Variants in HMCN2 observed in about 807,000 individuals in gnomAD.
The protein encoded by HMCN2 is hemicentin 2, also known as hemicentin-2.
In HMCN2, 325 loss-of-function variants were observed where a neutral mutation model predicts 377.5. That is an observed-to-expected ratio of 0.86 (90% CI 0.79 to 0.94). The LOEUF (loss-of-function observed/expected upper bound fraction) is 0.94, where lower values mean the gene tolerates loss of function less well. Among genes scored for constraint, HMCN2 ranks in the 40% least tolerant of loss-of-function variants. The pLI, the probability that HMCN2 is intolerant of heterozygous loss-of-function variation, is 0.00. For synonymous variants in HMCN2, 2,007 were observed against 2,046.8 expected (o/e 0.98, Z 0.53); for missense variants, 4,543 against 4,725.3 (o/e 0.96, Z 1.13).
chr9:130,355,310 C>T lies in HMCN2; in HGVS notation c.5146+266C>T, dbSNP rs145218411. ...CTGGGTCACCCAGGACAGAGGACCTCGTTCTGCCTTCTGCCAATGGAATGG... is the reference window on the plus strand; with the variant it reads ...CTGGGTCACCCAGGACAGAGGACCTTGTTCTGCCTTCTGCCAATGGAATGG... On this transcript the variant is annotated intron_variant, in intron 32 of 97. Coordinates refer to ENST00000683500, the MANE Select transcript of HMCN2 (RefSeq NM_001291815.2). Among the ~76,000 whole-genome samples, 858 of 152,264 alleles carry T rather than the reference C, an allele frequency of 5.6e-3. 5 individuals carry two copies. Among genetic ancestry groups the T allele is most frequent in the Non-Finnish European group, 9.8e-3 (666 of 67,992 alleles).
intron 13 of HMCN2, among the ~76,000 whole-genome samples, 180 bp from the exon 14 acceptor site, chr9:130,307,273 T>G (rs562403623): frequency 1.3e-5 from 2 of 152,096 alleles, no homozygotes; most frequent in South Asian, 2.1e-4. Flanking sequence ...AGGGTCACTA[T>G]GGGAACAGGG....
intron 4 of HMCN2, among the ~76,000 whole-genome samples, chr9:130,291,468 C>T (rs1835761901): frequency 6.6e-6 from 1 of 152,218 alleles, no homozygotes; most frequent in East Asian, 1.9e-4. Context: ...CCTCGGCCTC[C>T]CAAAGTGCTG....
intron 93 of HMCN2, chr9:130,429,352 C>T (rs1844591907): frequency 1.6e-6 from 1 of 625,248 alleles, no homozygotes; most frequent in Admixed American, 3.0e-5. Context: ...TCAGCCCCTT[C>T]CTTTCTCTGG....
At position 130,398,534 on chromosome 9, in the gene HMCN2, C is replaced by T. The variant is rs900083947; in HGVS notation, c.11327-17C>T. The T allele has an allele frequency of 2.5e-6, 3 of 1,200,258 alleles. No homozygotes were observed. The highest frequency in any genetic ancestry group is 3.2e-6 in the Non-Finnish European group (3 of 938,296). The allele number at this position is 1,200,258 out of a possible 1,614,324, so 74.4% of individuals were successfully genotyped here. A position where few individuals can be genotyped will look rare whatever the true frequency, so the allele number is the denominator to read the frequency against. The stretch of plus-strand genomic sequence containing the variant: ...GTGCCCCCTGCACCTGTCTCCTGAC[C>T]ACTGTGCTCTCCCCAGAGCCTCCAG... On this transcript the variant is annotated splice_polypyrimidine_tract_variant and intron_variant, in intron 74 of 97. Coordinates refer to ENST00000683500, the MANE Select transcript of HMCN2 (RefSeq NM_001291815.2).
At position 130,395,918 on chromosome 9, in the gene HMCN2, C is replaced by T; in HGVS notation, c.10912-6C>T. The T allele has an allele frequency of 3.1e-6, 4 of 1,286,230 alleles. No homozygotes were observed. Among genetic ancestry groups the T allele is most frequent in the Non-Finnish European group, 4.0e-6 (4 of 987,942 alleles). 79.7% of individuals were successfully genotyped at this position (1,286,230 alleles called of 1,614,324 possible). On this transcript the variant is annotated splice_region_variant and splice_polypyrimidine_tract_variant and intron_variant, in intron 71 of 97. Coordinates refer to ENST00000683500, the MANE Select transcript of HMCN2 (RefSeq NM_001291815.2). ...AGGGTCTGTCCACCCTGGCGGGGCTCTCCAGGAGGACGCCCACACACAATT... is the reference window on the plus strand; with the variant it reads ...AGGGTCTGTCCACCCTGGCGGGGCTTTCCAGGAGGACGCCCACACACAATT...
Position 130,371,160 on chromosome 9 carries a change from G to A in HMCN2, c.7237+29G>A, listed in dbSNP as rs570216448. The stretch of plus-strand genomic sequence containing the variant: ...AGATACCAGCTAAGGTTGGATCCTG[G>A]GAATCAGGTCGGGCTCTCTGCCTCT... On this transcript the variant is annotated intron_variant, in intron 46 of 97. Coordinates refer to ENST00000683500, the MANE Select transcript of HMCN2 (RefSeq NM_001291815.2). The A allele has an allele frequency of 2.3e-5, 23 of 985,310 alleles. No individual in the cohort carries two copies. The South Asian group carries it at 1.0e-3, about 44-fold the overall frequency. The allele number at this position is 985,310 out of a possible 1,614,324, so 61.0% of individuals were successfully genotyped here.
intron 36 of HMCN2, 130 bp downstream of exon 36, chr9:130,358,616 G>C: frequency 1.3e-6 from 1 of 777,236 alleles, no homozygotes; most frequent in Non-Finnish European, 1.9e-6. Flanking sequence ...CTTAACTTCA[G>C]AGGAAGTAGA....
chr9:130,295,143 T>C (rs973647195), intron 5 of HMCN2, 117 bp downstream of exon 5: 2 of 284,114 alleles, frequency 7.0e-6, no homozygotes, highest in Non-Finnish European at 1.4e-5. Flanking sequence ...GCTCCAGGAA[T>C]AGGGAAATAT....
At chr9:130,387,171 C>T (rs1258966292) in intron 61 of HMCN2, among the ~76,000 whole-genome samples, 4 of 152,188 alleles carry the variant, frequency 2.6e-5, no homozygotes, top group Admixed American at 1.3e-4. Flanking sequence ...ACATGTGGCT[C>T]CAGCTGGGGT....
rs868554604 is a variant in HMCN2 at position 130,418,831 on chromosome 9, G to A, written c.13021G>A (p.Ala4341Thr). Residue 4341 changes from alanine (A) to threonine (T), a missense_variant, in exon 86 of 98, where the codon GCC becomes ACC. This residue lies in a region of HMCN2 where 1,155 missense variants were observed against 1,157.7 expected (regional missense o/e 1.00). Coordinates refer to ENST00000683500, the MANE Select transcript of HMCN2 (RefSeq NM_001291815.2). ...GACAGTGAGATCTGGGGATGACGTG[G>A]CCCTGCGGTGCCAGGCCACTGGAGA... ...DMTVRSGDDV[A>T]LRCQATGEPT... The A allele has an allele frequency of 2.0e-6, 3 of 1,538,014 alleles. No individual in the cohort carries two copies. The highest frequency in any genetic ancestry group is 4.0e-5 in the Admixed American group (2 of 49,702).
rs1412273117 is a variant in HMCN2, at chr9:130,376,678, C to T, written c.8061+20C>T. 2.0e-6 allele frequency: 2 copies of T among 985,644 alleles called. No homozygotes were observed. The highest frequency in any genetic ancestry group is 2.4e-6 in the Non-Finnish European group (2 of 829,944). The allele number at this position is 985,644 out of a possible 1,614,324, so 61.1% of individuals were successfully genotyped here. ...GGACAGGTGAGTTTGGGACCCCCTGCGCAGCTTCTGGCTCTCACCTCTGCT... is the reference window on the plus strand; with the variant it reads ...GGACAGGTGAGTTTGGGACCCCCTGTGCAGCTTCTGGCTCTCACCTCTGCT... On this transcript the variant is annotated intron_variant, in intron 52 of 97. Transcript: ENST00000683500.
intron 83 of HMCN2, among the ~76,000 whole-genome samples, chr9:130,408,439 A>T (rs1843224058): frequency 6.6e-6 from 1 of 152,204 alleles, no homozygotes; most frequent in South Asian, 2.1e-4. Context: ...TGACACGCGT[A>T]ACACTGCCTT....
In HMCN2 at chr9:130,371,103, C is replaced by G; in HGVS notation, c.7209C>G (p.Ser2403Arg). 1.0e-6 allele frequency: 1 copy of G among 985,990 alleles called. No homozygotes were observed. The highest frequency in any genetic ancestry group is 1.7e-5 in the African/African-American group (1 of 57,374). 61.1% of individuals were successfully genotyped at this position (985,990 alleles called of 1,614,324 possible). The change falls in exon 46 of 98, where the codon AGC becomes AGG. Residue 2403 changes from serine (S) to arginine (R), a missense_variant. Around this residue, in one of 5 missense-constraint regions of HMCN2, gnomAD observed 1,032 missense variants for 1,285.1 expected, o/e 0.80. Transcript: ENST00000683500. ...GGTTCCGAGGGGAGGAGCCTGTCAGCCCCGGGGAGGACACCTACCTGCTGG... is the reference window on the plus strand; with the variant it reads ...GGTTCCGAGGGGAGGAGCCTGTCAGGCCCGGGGAGGACACCTACCTGCTGG... ...IRWFRGEEPV[S>R]PGEDTYLLAG...
At chr9:130,419,883 C>T (rs905402646) in intron 86 of HMCN2, among the ~76,000 whole-genome samples, 1 of 152,140 alleles carries the variant, frequency 6.6e-6, no homozygotes, top group African/African-American at 2.4e-5. Context: ...AACCCACTGC[C>T]AACCAAATGT....
At chr9:130,315,236 CCT>C (rs1837494463) in intron 15 of HMCN2, among the ~76,000 whole-genome samples, 1 of 6,452 alleles carries the variant, frequency 1.5e-4, no homozygotes, top group African/African-American at 4.8e-4. Flanking sequence ...CCTCCCCTCC[CCT>C]CCCCTTCCCC....
intron 25 of HMCN2, among the ~76,000 whole-genome samples, chr9:130,345,269 G>A (rs1051551355): frequency 1.3e-5 from 2 of 150,594 alleles, no homozygotes; most frequent in Non-Finnish European, 3.0e-5. Context: ...GGTGTGTGGT[G>A]TGTGTAGTGT....
intron 71 of HMCN2, among the ~76,000 whole-genome samples, chr9:130,395,689 T>G (rs1289605387): frequency 2.6e-5 from 4 of 152,070 alleles, no homozygotes; most frequent in Non-Finnish European, 5.9e-5. Context: ...GGCTGTGGAT[T>G]CAGGGTTGTG....
At chr9:130,286,356 A>G (rs1344658354) in intron 4 of HMCN2, 46 bp downstream of exon 4, 27 of 467,574 alleles carry the variant, frequency 5.8e-5, no homozygotes, top group Middle Eastern at 3.3e-4. Context: ...TCACTCGGGC[A>G]CGGTGAGGAC....
chr9:130,356,303 C>T (rs1158894300), intron 34 of HMCN2, 46 bp downstream of exon 34: 4 of 1,257,988 alleles, frequency 3.2e-6, no homozygotes, highest in Non-Finnish European at 4.1e-6. Flanking sequence ...GCCTGAGATG[C>T]CAGGGGTGGG....
Sources: gnomAD v4.1 joint callset for allele counts (sites outside exome capture counted in the v4.1 genomes callset) on GRCh38, gnomAD v4.1.1 for gene constraint, gnomAD v4.1.1 regional missense constraint, MANE v1.5 for transcripts, NCBI Gene and HGNC (gene_info 2026-07-23, HGNC 2026-07-21) for gene names.